NISCH: variants seen among roughly 807,000 people sequenced by gnomAD.
NISCH encodes I-1 receptor candidate protein.
A neutral mutation model predicts 138.4 loss-of-function variants in NISCH; 55 were observed. The ratio of observed to expected loss-of-function variants is 0.40; its 90% CI spans 0.32 to 0.50. The LOEUF is 0.50. Ranked by LOEUF, NISCH falls within the 20% of genes least tolerant of loss-of-function variation. The probability of loss-of-function intolerance (pLI) is 0.71; values close to 1 mark genes in which losing one functional copy is unlikely to be tolerated. For synonymous variants in NISCH, 860 were observed against 861.5 expected (o/e 1.00, Z 0.03); for missense variants, 1,643 against 2,005.5 (o/e 0.82, Z 3.45).
At chr3:52,490,348 C>T (rs1455205420) in intron 18 of NISCH, 117 bp downstream of exon 18, 20 of 1,178,252 alleles carry the variant, frequency 1.7e-5, no homozygotes, top group Non-Finnish European at 2.3e-5. Flanking sequence ...GACTTGGCTG[C>T]AGTGGGCTGA....
intron 3 of NISCH, 112 bp downstream of exon 3, chr3:52,458,956 G>T (rs984620123): frequency 1.2e-5 from 10 of 854,654 alleles, no homozygotes; most frequent in African/African-American, 1.7e-5. Context: ...TTGACCCTAG[G>T]TTAGAAGATG....
chr3:52,489,498 G>A lies in NISCH; in HGVS notation c.3276G>A (p.Val1092=). ...CTTTGGTCCCAGAGGAGACGCCAGT[G>A]GAAGCTCCAGCCCCACCCCCAGCCG... is the stretch of plus-strand genomic sequence containing the variant. ...TSALVPEETP[V]EAPAPPPAEA... Residue 1092 remains valine (V), a synonymous_variant, in exon 17 of 21, where the codon GTG becomes GTA. Transcript: ENST00000345716. 1.2e-6 allele frequency: 2 copies of A among 1,610,610 alleles called. No homozygotes were observed. The highest frequency in any genetic ancestry group is 1.1e-5 in the South Asian group (1 of 91,022).
At position 52,458,757 on chromosome 3, in the gene NISCH, TCTGGAGGTCTAC is replaced by T; in HGVS notation, c.276_287del (p.Glu93_Leu96del). On this transcript the variant is annotated inframe_deletion, in exon 3 of 21. Coordinates refer to ENST00000345716, the MANE Select transcript of NISCH (RefSeq NM_007184.4). ...GCTTGGTGGAGAAGAGGGAGAAGGATCTGGAGGTCTACCTCCAGAAGCTCCTGGCTGCCTTCC... is the reference window on the plus strand; with the variant it reads ...GCTTGGTGGAGAAGAGGGAGAAGGATCTCCAGAAGCTCCTGGCTGCCTTCC... 6.2e-7 allele frequency: 1 copy of T among 1,613,712 alleles called. No individual in the cohort carries two copies. The highest frequency in any genetic ancestry group is 8.5e-7 in the Non-Finnish European group (1 of 1,179,986).
chr3:52,471,072 CAG>C (rs942466478), intron 4 of NISCH, among the ~76,000 whole-genome samples, 165 bp downstream of exon 4: 4 of 152,078 alleles, frequency 2.6e-5, no homozygotes, highest in Non-Finnish European at 5.9e-5. Flanking sequence ...AGTACCATGT[CAG>C]GGGCTCAGCC....
chr3:52,487,954 GC>G lies in NISCH; in HGVS notation c.2466del (p.Ile823SerfsTer150). On this transcript the variant is annotated frameshift_variant, in exon 16 of 21. Transcript: ENST00000345716. LOFTEE classifies it high-confidence loss of function. This position sits in a 1 kb window ranked among gnomAD's most constrained non-coding sequence, Gnocchi z 9.1. ...FAPQHMAMLCSPILYGSHTSL... is the reference protein window; with the variant it reads ...FAPQHMAMLCXPILYGSHTSL... ...CCCCAGCACATGGCCATGCTGTGTA[GC>G]CCCATCCTCTACGGCAGCCACACCA... 2 of 1,611,788 alleles carry G rather than the reference GC, an allele frequency of 1.2e-6. No homozygotes were observed.
At chr3:52,457,781 G>C in intron 1 of NISCH, 62 bp from the exon 2 acceptor site, 1 of 1,118,930 alleles carries the variant, frequency 8.9e-7, no homozygotes, top group Admixed American at 1.7e-5. Context: ...TTTGCTGCTG[G>C]GGGAGGAGAC....
intron 4 of NISCH, chr3:52,471,333 C>T (rs1461115533): frequency 7.3e-6 from 2 of 273,898 alleles, no homozygotes; most frequent in Non-Finnish European, 7.0e-6. Context: ...GCGGCCCAGT[C>T]ACCAGCCTGA....
At position 52,472,081 on chromosome 3, in the gene NISCH, T is replaced by A. The variant is rs547885096; in HGVS notation, c.573+104T>A. 5 of 1,312,556 alleles carry A rather than the reference T, an allele frequency of 3.8e-6. No homozygotes were observed. The South Asian group carries it at 7.2e-5, about 19-fold the overall frequency. 81.3% of individuals were successfully genotyped at this position (1,312,556 alleles called of 1,614,324 possible). A position where few individuals can be genotyped will look rare whatever the true frequency, so the allele number is the denominator to read the frequency against. ...GTGTGAAGGAGACCATGGGGGACTG[T>A]TGGTGGAAGGAAGGCCGCCCGGTTA... is the stretch of plus-strand genomic sequence containing the variant. On this transcript the variant is annotated intron_variant, in intron 5 of 20. Transcript: ENST00000345716.
At chr3:52,463,916 G>A (rs1457113144) in intron 3 of NISCH, among the ~76,000 whole-genome samples, 2 of 150,196 alleles carry the variant, frequency 1.3e-5, no homozygotes, top group South Asian at 2.1e-4. Context: ...CATTAGAGAC[G>A]GGGTTTCACC....
At chr3:52,474,980 A>T (rs562352170) in intron 7 of NISCH, among the ~76,000 whole-genome samples, 4 of 152,330 alleles carry the variant, frequency 2.6e-5, no homozygotes, top group Non-Finnish European at 5.9e-5. Context: ...TTTATGGATT[A>T]CATCTTGCTA....
intron 1 of NISCH, among the ~76,000 whole-genome samples, chr3:52,456,116 A>T (rs1377886036): frequency 6.6e-6 from 1 of 151,956 alleles, no homozygotes; most frequent in African/African-American, 2.4e-5. Context: ...GAGGAAGGCG[A>T]TGGGGAGAGG....
chr3:52,478,217 C>A lies in NISCH; in HGVS notation c.1108C>A (p.Leu370Met). 1 of 1,614,146 alleles carries A rather than the reference C, an allele frequency of 6.2e-7. No individual in the cohort carries two copies. Among genetic ancestry groups the A allele is most frequent in the Non-Finnish European group, 8.5e-7 (1 of 1,179,998 alleles). Reference sequence around the variant, plus strand: ...CCTGGCAGGCAACCTCCTAGAGAGTCTGAGTGGCCTGCACAAGCTCTACTC... The same window carrying A: ...CCTGGCAGGCAACCTCCTAGAGAGTATGAGTGGCCTGCACAAGCTCTACTC... ...LNLAGNLLES[L>M]SGLHKLYSLV... Residue 370 changes from leucine to methionine, a missense_variant, in exon 10 of 21, where the codon CTG becomes ATG. Physicochemically the swap from Leu to Met is conservative, Grantham distance 15. Transcript: ENST00000345716.
intron 15 of NISCH, chr3:52,486,690 G>A (rs1707410288): frequency 6.4e-6 from 1 of 156,190 alleles, no homozygotes; most frequent in Admixed American, 6.4e-5. Context: ...TGTGTACTCT[G>A]ACCCTTTACA....
intron 8 of NISCH, 76 bp from the exon 9 acceptor site, chr3:52,477,498 C>A: frequency 7.9e-7 from 1 of 1,260,742 alleles, no homozygotes; most frequent in Non-Finnish European, 1.2e-6. Flanking sequence ...TCCTGGGGTG[C>A]CCGTCCACTG....
chr3:52,469,914 CAAAAA>C (rs953907919), intron 3 of NISCH, among the ~76,000 whole-genome samples: 1 of 128,470 alleles, frequency 7.8e-6, no homozygotes, highest in Non-Finnish European at 1.6e-5. Context: ...GACTCCGTCT[CAAAAA>C]AGAAAAAAAA....
chr3:52,459,442 T>C (rs1706567896), intron 3 of NISCH, among the ~76,000 whole-genome samples: 1 of 152,194 alleles, frequency 6.6e-6, no homozygotes, highest in South Asian at 2.1e-4. Context: ...ACCACAATAT[T>C]TGTGCTTTTG....
chr3:52,476,649 CTGAGTT>C, intron 8 of NISCH, 50 bp downstream of exon 8: 1 of 1,597,586 alleles, frequency 6.3e-7, no homozygotes, highest in Non-Finnish European at 8.6e-7. Context: ...CCACCAAACC[CTGAGTT>C]TGAGTATTTA....
intron 3 of NISCH, among the ~76,000 whole-genome samples, chr3:52,460,706 A>G (rs1706608901): frequency 1.3e-5 from 2 of 152,252 alleles, no homozygotes. Flanking sequence ...CTGGCTGACT[A>G]TGGTCTCATT....
Position 52,489,535 on chromosome 3 carries a change from C to T in NISCH, c.3313C>T (p.Gln1105Ter). ...PAPPPAEAPA[Q>*]YPSEHLIQAT... The stretch of plus-strand genomic sequence containing the variant: ...CCCACCCCCAGCCGAGGCCCCTGCC[C>T]AGTACCCGAGTGAGCACCTCATCCA... Residue 1105 changes from glutamine to a stop codon, truncating the protein, a stop_gained, in exon 17 of 21, where the codon CAG becomes TAG. Transcript: ENST00000345716. LOFTEE classifies it high-confidence loss of function. The T allele has an allele frequency of 6.2e-7, 1 of 1,613,240 alleles. No homozygotes were observed.
Sources: allele counts gnomAD v4.1 joint callset (sites outside exome capture counted in the v4.1 genomes callset), GRCh38; gene constraint gnomAD v4.1.1; non-coding constraint Gnocchi (gnomAD v3.1); transcripts MANE v1.5; gene names NCBI Gene and HGNC (gene_info 2026-07-23, HGNC 2026-07-21).